Variants in HEATR4 observed in about 807,000 individuals in gnomAD.
HEATR4 encodes HEAT repeat containing 4.
A neutral mutation model predicts 108.8 loss-of-function variants in HEATR4; 95 were observed. That is an observed-to-expected ratio of 0.87 (90% CI 0.74 to 1.04). HEATR4 has a LOEUF of 1.04. HEATR4 is among the 50% of genes least tolerant of loss of function. HEATR4 has a pLI of 0.00. For synonymous variants in HEATR4, 443 were observed against 459.4 expected (o/e 0.96, Z 0.46); for missense variants, 1,152 against 1,253.8 (o/e 0.92, Z 1.23).
At chr14:73,581,260 A>G in the HEATR4 span, 3 of 152,004 alleles carry the variant, frequency 2.0e-5, no homozygotes, top group Admixed American at 2.0e-4. Flanking sequence ...AAGCTAGGAA[A>G]TCCAAGATCA....
chr14:73,567,658 G>A, the HEATR4 span: 40 of 152,156 alleles, frequency 2.6e-4, no homozygotes, highest in African/African-American at 9.4e-4. Context: ...TGGAAGCTTT[G>A]TTCTTTTGTA....
chr14:73,526,951 G>A (rs1239574776), intron 2 of HEATR4, among the ~76,000 whole-genome samples: 6 of 152,182 alleles, frequency 3.9e-5, no homozygotes, highest in Admixed American at 3.9e-4. Flanking sequence ...AGAGATTCCT[G>A]ACTGGGGGAA....
chr14:73,606,635 C>G, the HEATR4 span, among the ~76,000 whole-genome samples: 3 of 152,234 alleles, frequency 2.0e-5, no homozygotes, highest in African/African-American at 7.2e-5. Context: ...GGCTTTTGAG[C>G]CTTACCAAAG....
chr14:73,495,182 C>G, intron 16 of HEATR4, 46 bp downstream of exon 16: 1 of 1,551,840 alleles, frequency 6.4e-7, no homozygotes, highest in Non-Finnish European at 8.8e-7. Context: ...CTGGAAGAGG[C>G]TTATTAAAGG....
intron 14 of HEATR4, 115 bp from the exon 15 acceptor site, chr14:73,496,794 T>C (rs1325277350): frequency 1.5e-6 from 1 of 658,294 alleles, no homozygotes; most frequent in Non-Finnish European, 2.7e-6. Context: ...ATCCTAACTG[T>C]GCAGTTTTGC....
the HEATR4 span, chr14:73,596,275 A>AG: frequency 6.6e-6 from 1 of 152,180 alleles, no homozygotes; most frequent in Non-Finnish European, 1.5e-5. Context: ...TGGGAAGTCA[A>AG]GGGGGGCATA....
At chr14:73,566,682 C>T in the HEATR4 span, among the ~76,000 whole-genome samples, 1 of 152,152 alleles carries the variant, frequency 6.6e-6, no homozygotes, top group Non-Finnish European at 1.5e-5. Flanking sequence ...CCCGCAAGTG[C>T]GGAACGCAGC....
At chr14:73,561,490 C>A (rs1399684810), upstream of HEATR4, among the ~76,000 whole-genome samples, 2 of 151,890 alleles carry the variant, frequency 1.3e-5, no homozygotes, top group African/African-American at 4.8e-5. Flanking sequence ...GAGTTCGAGA[C>A]CAGCTTGGCC....
rs186838065 is a variant in HEATR4, at chr14:73,547,425, T to C, written c.-152+11326A>G. 3.8e-3 allele frequency among the ~76,000 whole-genome samples: 441 copies of C among 114,600 alleles called. 90 individuals are homozygous for C. Among genetic ancestry groups the C allele is most frequent in the African/African-American group, 0.012 (420 of 35,380 alleles). 75.2% of individuals were successfully genotyped at this position (114,600 alleles called of 152,430 possible). A position where few individuals can be genotyped will look rare whatever the true frequency, so the allele number is the denominator to read the frequency against. On this transcript the variant is annotated intron_variant, in intron 1 of 17. Transcript: ENST00000553558. ...GGTCTCCCTATGTTGCCCATGCTGGTCTTAAACTCCTGGGCTCAGGCAATC... is the reference window on the plus strand; with the variant it reads ...GGTCTCCCTATGTTGCCCATGCTGGCCTTAAACTCCTGGGCTCAGGCAATC...
intron 1 of HEATR4, among the ~76,000 whole-genome samples, chr14:73,558,281 T>C (rs201315919): frequency 0.094 from 11,863 of 126,300 alleles, 836 homozygotes; most frequent in African/African-American, 0.14. Context: ...TCTAATTTTT[T>C]ACCATGCACT....
Position 73,508,059 on chromosome 14 carries a change from G to A in HEATR4, c.1881+75C>T. 15 of 1,389,030 alleles carry A rather than the reference G, an allele frequency of 1.1e-5. No homozygotes were observed. The South Asian group carries it at 1.9e-4, about 17-fold the overall frequency. 86.0% of individuals were successfully genotyped at this position (1,389,030 alleles called of 1,614,324 possible). On this transcript the variant is annotated intron_variant, in intron 9 of 17. Coordinates refer to ENST00000553558, the MANE Select transcript of HEATR4 (RefSeq NM_001220484.1). ...CTGCCCCGGCCCCAGCTGCATTTCA[G>A]ATTGCTTACATTCACTGACCTCAAA...
chr14:73,478,951 C>CT, intron 17 of HEATR4, 109 bp from the exon 18 acceptor site: 1 of 735,290 alleles, frequency 1.4e-6, no homozygotes, highest in Non-Finnish European at 2.2e-6. Flanking sequence ...TTTTTTTTTT[C>CT]TTTTTGAGAC....
the HEATR4 span, among the ~76,000 whole-genome samples, chr14:73,630,949 G>A: frequency 6.6e-6 from 1 of 152,116 alleles, no homozygotes; most frequent in Non-Finnish European, 1.5e-5. Context: ...CCAAAGACAG[G>A]ACTTTAACAA....
chr14:73,553,377 A>G (rs1296180865), intron 1 of HEATR4, among the ~76,000 whole-genome samples: 1 of 111,990 alleles, frequency 8.9e-6, no homozygotes, highest in Non-Finnish European at 2.0e-5. Context: ...TGGGCTTGGT[A>G]GCACTCGCCT....
At chr14:73,595,666 G>A in the HEATR4 span, 75,804 of 1,512,028 alleles carry the variant, frequency 0.05, 2,085 homozygotes, top group Middle Eastern at 0.091. Context: ...GCATTTGTCT[G>A]TTGTTGACAT....
intron 2 of HEATR4, among the ~76,000 whole-genome samples, chr14:73,525,152 C>T (rs1350415566): frequency 6.6e-6 from 1 of 152,160 alleles, no homozygotes; most frequent in African/African-American, 2.4e-5. Flanking sequence ...ACTTCAGCCT[C>T]CCAAGTAGCT....
chr14:73,593,181 C>T, the HEATR4 span, among the ~76,000 whole-genome samples: 3 of 152,218 alleles, frequency 2.0e-5, no homozygotes, highest in Non-Finnish European at 2.9e-5. Context: ...ACACTTCAGA[C>T]TCCACTGCCT....
chr14:73,547,486 C>T lies in HEATR4; in HGVS notation c.-152+11265G>A, dbSNP rs551720494. Among the ~76,000 whole-genome samples, 23 of 115,464 alleles carry T rather than the reference C, an allele frequency of 2.0e-4. 4 individuals carry two copies. The South Asian group carries it at 6.4e-3, about 32-fold the overall frequency. 75.7% of individuals were successfully genotyped at this position (115,464 alleles called of 152,430 possible). A position where few individuals can be genotyped will look rare whatever the true frequency, so the allele number is the denominator to read the frequency against. ...GGCATCTCCCAAAGTGCTGGGATTACAGGCAATCACCACTGCACCTGGCCA... is the reference window on the plus strand; with the variant it reads ...GGCATCTCCCAAAGTGCTGGGATTATAGGCAATCACCACTGCACCTGGCCA... On this transcript the variant is annotated intron_variant, in intron 1 of 17. Coordinates refer to ENST00000553558, the MANE Select transcript of HEATR4 (RefSeq NM_001220484.1).
At chr14:73,585,210 G>A in the HEATR4 span, among the ~76,000 whole-genome samples, 3 of 152,004 alleles carry the variant, frequency 2.0e-5, no homozygotes, top group South Asian at 2.1e-4. Context: ...ACCTTGTCTC[G>A]CTCATCTGCC....
Sources: allele counts gnomAD v4.1 joint callset (sites outside exome capture counted in the v4.1 genomes callset), GRCh38; gene constraint gnomAD v4.1.1; transcripts MANE v1.5; gene names NCBI Gene and HGNC (gene_info 2026-07-23, HGNC 2026-07-21).